Variants in NOL10 observed in about 807,000 individuals in gnomAD.
The protein encoded by NOL10 is nucleolar protein 10.
Under a neutral mutation model 103.5 loss-of-function variants are expected in NOL10, and 58 were observed. The ratio of observed to expected loss-of-function variants is 0.56; its 90% CI spans 0.45 to 0.70. NOL10 has a LOEUF of 0.70. Ranked by LOEUF, NOL10 falls within the 30% of genes least tolerant of loss-of-function variation. The pLI, the probability that NOL10 is intolerant of heterozygous loss-of-function variation, is 0.00. For synonymous variants in NOL10, 287 were observed against 282.5 expected (o/e 1.02, Z -0.16); for missense variants, 763 against 807.3 (o/e 0.95, Z 0.67).
chr2:10,668,633 T>A, intron 7 of NOL10, 25 bp downstream of exon 7: 1 of 1,198,760 alleles, frequency 8.3e-7, no homozygotes, highest in East Asian at 2.6e-5. Flanking sequence ...AAAATGTATA[T>A]AGCAGAATTA....
At chr2:10,677,907 G>A (rs961565390) in intron 3 of NOL10, among the ~76,000 whole-genome samples, 5 of 150,644 alleles carry the variant, frequency 3.3e-5, no homozygotes, top group African/African-American at 9.8e-5. Context: ...ATATGTGTGT[G>A]TACATATATA....
At chr2:10,579,198 A>C (rs1485993894) in intron 19 of NOL10, among the ~76,000 whole-genome samples, 1 of 152,186 alleles carries the variant, frequency 6.6e-6, no homozygotes, top group Non-Finnish European at 1.5e-5. Flanking sequence ...TTGAGACATA[A>C]AGTGGTTAGC....
chr2:10,585,302 A>G (rs10211190), intron 19 of NOL10, among the ~76,000 whole-genome samples: 51,915 of 152,084 alleles, frequency 0.34, 9,280 homozygotes, highest in Non-Finnish European at 0.4. Context: ...AAACACCTAC[A>G]CATAACAGCT....
chr2:10,574,653 A>AT (rs1442381814), intron 20 of NOL10, among the ~76,000 whole-genome samples: 3 of 151,878 alleles, frequency 2.0e-5, no homozygotes, highest in Non-Finnish European at 2.9e-5. Context: ...TCTCAAAAAA[A>AT]AAAAAAAAAG....
At chr2:10,621,562 C>T (rs941227524) in intron 13 of NOL10, among the ~76,000 whole-genome samples, 64 of 152,170 alleles carry the variant, frequency 4.2e-4, no homozygotes, top group African/African-American at 1.5e-3. Context: ...ACACTGCACT[C>T]CAGCCTGGGC....
chr2:10,676,609 A>T (rs1404808389), intron 3 of NOL10, among the ~76,000 whole-genome samples: 1 of 151,802 alleles, frequency 6.6e-6, no homozygotes. Flanking sequence ...CCAATTTTGT[A>T]CAATGAAATG....
intron 12 of NOL10, among the ~76,000 whole-genome samples, chr2:10,653,629 C>G (rs751502984): frequency 2.0e-5 from 3 of 152,122 alleles, no homozygotes; most frequent in Non-Finnish European, 2.9e-5. Context: ...AGAGCCACCA[C>G]AGCTCAGGCA....
At chr2:10,631,684 T>C (rs1441682598) in intron 13 of NOL10, among the ~76,000 whole-genome samples, 1 of 151,814 alleles carries the variant, frequency 6.6e-6, no homozygotes, top group East Asian at 1.9e-4. Flanking sequence ...GTATGAAAAT[T>C]ATACTCTGGC....
At chr2:10,621,249 T>G (rs888283044) in intron 13 of NOL10, among the ~76,000 whole-genome samples, 5 of 152,094 alleles carry the variant, frequency 3.3e-5, no homozygotes, top group Non-Finnish European at 7.4e-5. Flanking sequence ...GTGATGAAGT[T>G]TGATAGGGGT....
chr2:10,603,114 C>T lies in NOL10; in HGVS notation c.1197G>A (p.Met399Ile). 1 of 1,611,620 alleles carries T rather than the reference C, an allele frequency of 6.2e-7. No homozygotes were observed. The highest frequency in any genetic ancestry group is 8.5e-7 in the Non-Finnish European group (1 of 1,178,740). Residue 399 changes from methionine to isoleucine, a missense_variant, in exon 15 of 21, where the codon ATG becomes ATA. Coordinates refer to ENST00000381685, the MANE Select transcript of NOL10 (RefSeq NM_024894.4). ...GTCTTATATCCATGAAAAACCCATG[C>T]ATATATGCCCGGAGGAAAGGAGATC... ...LIGSPFLRAY[M>I]HGFFMDIRLY...
At chr2:10,591,674 AGATG>A (rs1160263223) in intron 17 of NOL10, among the ~76,000 whole-genome samples, 1 of 152,006 alleles carries the variant, frequency 6.6e-6, no homozygotes, top group Admixed American at 6.6e-5. Context: ...AGGAAGGAGA[AGATG>A]GATGATCAAC....
chr2:10,595,030 T>G (rs1400292595), intron 17 of NOL10, among the ~76,000 whole-genome samples: 1 of 151,056 alleles, frequency 6.6e-6, no homozygotes, highest in Non-Finnish European at 1.5e-5. Flanking sequence ...GAATACCAAC[T>G]TAATCAAAAT....
At chr2:10,628,116 T>C (rs1677598912) in intron 13 of NOL10, among the ~76,000 whole-genome samples, 1 of 152,156 alleles carries the variant, frequency 6.6e-6, no homozygotes, top group African/African-American at 2.4e-5. Flanking sequence ...GTCCTATCAT[T>C]TTCTGTACCT....
intron 9 of NOL10, among the ~76,000 whole-genome samples, chr2:10,661,085 G>T (rs998779854): frequency 6.6e-6 from 1 of 152,024 alleles, no homozygotes; most frequent in Admixed American, 6.6e-5. Context: ...TTATTTATTT[G>T]TTTGTTTGTG....
chr2:10,587,190 TAC>T lies in NOL10; in HGVS notation c.1844+1851_1844+1852del, dbSNP rs373680844. Among the ~76,000 whole-genome samples, 5 of 38,556 alleles carry T rather than the reference TAC, an allele frequency of 1.3e-4. 1 individual carries two copies. Among genetic ancestry groups the T allele is most frequent in the Admixed American group, 2.8e-4 (1 of 3,516 alleles). The allele number at this position is 38,556 out of a possible 152,430, so 25.3% of individuals were successfully genotyped here. A position where few individuals can be genotyped will look rare whatever the true frequency, so the allele number is the denominator to read the frequency against. On this transcript the variant is annotated intron_variant, in intron 19 of 20. Transcript: ENST00000381685. ...ATACACATATATATACACATATATA[TAC>T]ACATATATATACACATATATATATA... is the stretch of plus-strand genomic sequence containing the variant.
At chr2:10,587,110 C>A (rs1230379626) in intron 19 of NOL10, among the ~76,000 whole-genome samples, 1 of 42,172 alleles carries the variant, frequency 2.4e-5, no homozygotes, top group South Asian at 4.8e-4. Flanking sequence ...CATATATATA[C>A]ATATATATAC....
intron 9 of NOL10, among the ~76,000 whole-genome samples, chr2:10,662,051 G>A (rs929058728): frequency 4.6e-5 from 7 of 152,046 alleles, no homozygotes; most frequent in South Asian, 2.1e-4. Context: ...ACTGACAGGC[G>A]CATTTGGACC....
In NOL10 at chr2:10,681,956, C is replaced by A; in HGVS notation, c.211+15G>T. 8.0e-7 allele frequency: 1 copy of A among 1,253,382 alleles called. No homozygotes were observed. The highest frequency in any genetic ancestry group is 2.1e-5 in the South Asian group (1 of 46,662). The allele number at this position is 1,253,382 out of a possible 1,614,324, so 77.6% of individuals were successfully genotyped here. On this transcript the variant is annotated intron_variant, in intron 3 of 20. Coordinates refer to ENST00000381685, the MANE Select transcript of NOL10 (RefSeq NM_024894.4). ...GTACAAAATGCATGAAAATCATAACCAAAAAGATGCTTACCAGTTGCTAAA... is the reference window on the plus strand; with the variant it reads ...GTACAAAATGCATGAAAATCATAACAAAAAAGATGCTTACCAGTTGCTAAA...
intron 19 of NOL10, among the ~76,000 whole-genome samples, chr2:10,587,256 TACACA>T (rs1558270918): frequency 5.6e-5 from 2 of 35,542 alleles, no homozygotes; most frequent in African/African-American, 2.8e-4. Flanking sequence ...TATATATATA[TACACA>T]TATATATATA....
Sources: gnomAD v4.1 joint callset for allele counts (sites outside exome capture counted in the v4.1 genomes callset) on GRCh38, gnomAD v4.1.1 for gene constraint, MANE v1.5 for transcripts, NCBI Gene and HGNC (gene_info 2026-07-23, HGNC 2026-07-21) for gene names.